The following CHURC1 variants were observed in gnomAD, a reference collection of about 807,000 sequenced individuals.
CHURC1 encodes the protein churchill domain containing 1.
Under a neutral mutation model 15.4 loss-of-function variants are expected in CHURC1, and 12 were observed. That is an observed-to-expected ratio of 0.78 (90% CI 0.50 to 1.27). The LOEUF is 1.27. Ranked by LOEUF, CHURC1 falls within the 50% of genes most tolerant of loss-of-function variation. The pLI is 0.00. For missense variants in CHURC1, 132 were observed against 137.8 expected (o/e 0.96, Z 0.21); for synonymous variants, 42 against 47.5 (o/e 0.88, Z 0.48).
intron 3 of CHURC1, among the ~76,000 whole-genome samples, chr14:64,927,710 C>A (rs1315763516): frequency 2.1e-5 from 1 of 47,930 alleles, no homozygotes; most frequent in Non-Finnish European, 3.9e-5. Context: ...GTCTACTTCT[C>A]CCCCCACCCC....
At position 64,933,389 on chromosome 14, in the gene CHURC1, A is replaced by G; in HGVS notation, c.*1159A>G. On this transcript the variant is annotated 3_prime_UTR_variant, in exon 4 of 4. Transcript: ENST00000549115. ...TGAGAAAATGGTTTCATTGGCTTTAAAGGGATTTTAGAATATCTTACTTTG... is the reference window on the plus strand; with the variant it reads ...TGAGAAAATGGTTTCATTGGCTTTAGAGGGATTTTAGAATATCTTACTTTG... 1 of 985,494 alleles carries G rather than the reference A, an allele frequency of 1.0e-6. No homozygotes were observed. The highest frequency in any genetic ancestry group is 1.2e-6 in the Non-Finnish European group (1 of 829,940). The allele number at this position is 985,494 out of a possible 1,614,324, so 61.0% of individuals were successfully genotyped here. A position where few individuals can be genotyped will look rare whatever the true frequency, so the allele number is the denominator to read the frequency against.
intron 2 of CHURC1, 38 bp from the exon 3 acceptor site, chr14:64,925,972 T>C: frequency 6.8e-7 from 1 of 1,467,940 alleles, no homozygotes; most frequent in Non-Finnish European, 9.3e-7. Flanking sequence ...AGAAACTCTC[T>C]AAGACTTAAT....
At chr14:64,926,979 A>G (rs779523292) in intron 3 of CHURC1, among the ~76,000 whole-genome samples, 6 of 152,208 alleles carry the variant, frequency 3.9e-5, no homozygotes, top group Non-Finnish European at 8.8e-5. Flanking sequence ...TCAAGCCTTC[A>G]GGTTGAGTTA....
At chr14:64,918,014 A>G (rs1298904102) in intron 1 of CHURC1, among the ~76,000 whole-genome samples, 2 of 152,238 alleles carry the variant, frequency 1.3e-5, no homozygotes, top group African/African-American at 4.8e-5. Flanking sequence ...GTCAAATACA[A>G]GTGTCAAAAT....
In CHURC1 at chr14:64,934,542, T is replaced by G; in HGVS notation, c.*2312T>G. The G allele has an allele frequency of 1.0e-6, 1 of 985,428 alleles. No individual in the cohort carries two copies. The highest frequency in any genetic ancestry group is 1.2e-6 in the Non-Finnish European group (1 of 829,920). The allele number at this position is 985,428 out of a possible 1,614,324, so 61.0% of individuals were successfully genotyped here. A position where few individuals can be genotyped will look rare whatever the true frequency, so the allele number is the denominator to read the frequency against. On this transcript the variant is annotated 3_prime_UTR_variant, in exon 4 of 4. Transcript: ENST00000549115. ...GGCATCTGGGCATGTCAGATGAAGA[T>G]TTATTATTCAGAAAAGTTAAGTCAG...
chr14:64,923,787 C>CTTTTTTTTTT (rs60825476), intron 1 of CHURC1, among the ~76,000 whole-genome samples: 5 of 77,064 alleles, frequency 6.5e-5, no homozygotes, highest in African/African-American at 1.9e-4. Flanking sequence ...ACTTTAGTTG[C>CTTTTTTTTTT]TTTTTTTTTT....
chr14:64,933,983 G>C lies in CHURC1; in HGVS notation c.*1753G>C, dbSNP rs1885211618. On this transcript the variant is annotated 3_prime_UTR_variant, in exon 4 of 4. Transcript: ENST00000549115. ...GTTATTTGTAAGTTATCATGAAAAG[G>C]TTTATATTCACTATTCTTTATTTCA... 2 of 985,328 alleles carry C rather than the reference G, an allele frequency of 2.0e-6. No homozygotes were observed. Among genetic ancestry groups the C allele is most frequent in the Non-Finnish European group, 2.4e-6 (2 of 829,858 alleles). 61.0% of individuals were successfully genotyped at this position (985,328 alleles called of 1,614,324 possible).
At chr14:64,923,787 C>CTTTTTTTT (rs60825476) in intron 1 of CHURC1, among the ~76,000 whole-genome samples, 2 of 77,066 alleles carry the variant, frequency 2.6e-5, no homozygotes, top group East Asian at 3.4e-4. Context: ...ACTTTAGTTG[C>CTTTTTTTT]TTTTTTTTTT....
At chr14:64,932,011 A>G (rs1885103430) in intron 3 of CHURC1, 127 bp from the exon 4 acceptor site, 10 of 1,215,958 alleles carry the variant, frequency 8.2e-6, no homozygotes, top group Non-Finnish European at 1.1e-5. Flanking sequence ...ATACATGTTG[A>G]AGAAATTGAT....
At chr14:64,932,007 G>T in intron 3 of CHURC1, 131 bp from the exon 4 acceptor site, 2 of 1,166,730 alleles carry the variant, frequency 1.7e-6, no homozygotes, top group Non-Finnish European at 2.4e-6. Flanking sequence ...GCTGATACAT[G>T]TTGAAGAAAT....
intron 3 of CHURC1, 25 bp downstream of exon 3, chr14:64,926,105 A>G (rs1041693883): frequency 6.6e-7 from 1 of 1,511,314 alleles, no homozygotes; most frequent in South Asian, 1.2e-5. Context: ...GGGTATAAAT[A>G]TAAATATGGG....
chr14:64,929,741 T>C (rs1479009786), intron 3 of CHURC1, among the ~76,000 whole-genome samples: 1 of 152,198 alleles, frequency 6.6e-6, no homozygotes, highest in Non-Finnish European at 1.5e-5. Context: ...CACTACCTCT[T>C]TAAATACTTC....
intron 2 of CHURC1, among the ~76,000 whole-genome samples, chr14:64,925,446 G>T (rs1272296641): frequency 6.6e-6 from 1 of 152,032 alleles, no homozygotes; most frequent in Non-Finnish European, 1.5e-5. Context: ...GCCCAGGAGG[G>T]TGGATCACTT....
Position 64,924,021 on chromosome 14 carries a change from T to A in CHURC1, c.70T>A (p.Leu24Ile). Residue 24 changes from leucine (L) to isoleucine (I), a missense_variant, in exon 2 of 4, where the codon TTA (leucine) becomes ATA (isoleucine). Coordinates refer to ENST00000549115, the MANE Select transcript of CHURC1 (RefSeq NM_001386928.1). ...GNTCLENGSF[L>I]LNFTGCAVCS... ...TACCTGCCTGGAGAATGGATCTTTC[T>A]TACTGAACTTTACAGGCTGTGCAGT... 1 of 1,574,880 alleles carries A rather than the reference T, an allele frequency of 6.3e-7. No individual in the cohort carries two copies. Among genetic ancestry groups the A allele is most frequent in the East Asian group, 2.3e-5 (1 of 43,500 alleles).
Position 64,924,071 on chromosome 14 carries a change from G to A in CHURC1, c.120G>A (p.Leu40=), listed in dbSNP as rs1255354305. The A allele has an allele frequency of 6.2e-7, 1 of 1,607,622 alleles. No homozygotes were observed. Among genetic ancestry groups the A allele is most frequent in the Non-Finnish European group, 8.5e-7 (1 of 1,176,660 alleles). Residue 40 remains leucine, a synonymous_variant, in exon 2 of 4, where the codon CTG becomes CTA. Transcript: ENST00000549115. ...TGTGCAGTAAGCGGGATTTTATGCT[G>A]ATCACAAACAAATCCTTGAAAGAAG... ...CAVCSKRDFM[L]ITNKSLKEED... is the part of the protein sequence containing the mutation.
rs375937108 is a variant in CHURC1 at position 64,932,258 on chromosome 14, A to G, written c.*28A>G. On this transcript the variant is annotated 3_prime_UTR_variant, in exon 4 of 4. Transcript: ENST00000549115. The stretch of plus-strand genomic sequence containing the variant: ...ATCCTTCTACAGATCTGTTATAACT[A>G]TATTGTGTTGGTTTACAATACAGCA... 5.6e-6 allele frequency: 9 copies of G among 1,609,254 alleles called. 1 individual carries two copies. Among genetic ancestry groups the G allele is most frequent in the South Asian group, 2.2e-5 (2 of 90,500 alleles).
At chr14:64,916,870 G>A (rs558214312) in intron 1 of CHURC1, among the ~76,000 whole-genome samples, 33 of 152,178 alleles carry the variant, frequency 2.2e-4, no homozygotes, top group South Asian at 2.1e-4. Flanking sequence ...GAGCCACCGC[G>A]CCGGGCCTTA....
chr14:64,919,780 A>G (rs1884141363), intron 1 of CHURC1, among the ~76,000 whole-genome samples: 1 of 152,074 alleles, frequency 6.6e-6, no homozygotes, highest in South Asian at 2.1e-4. Context: ...CCTACTTGGG[A>G]GGCTGAAGTG....
intron 2 of CHURC1, among the ~76,000 whole-genome samples, chr14:64,925,105 T>C (rs1884583967): frequency 6.6e-6 from 1 of 152,220 alleles, no homozygotes; most frequent in South Asian, 2.1e-4. Context: ...CTGGTTCCAA[T>C]ACATCCTGGC....
Sources: gnomAD v4.1 joint callset for allele counts (sites outside exome capture counted in the v4.1 genomes callset) on GRCh38, gnomAD v4.1.1 for gene constraint, MANE v1.5 for transcripts, NCBI Gene and HGNC (gene_info 2026-07-23, HGNC 2026-07-21) for gene names.